The following UGGT2 variants were observed in gnomAD, a reference collection of about 807,000 sequenced individuals.
UGGT2 encodes UDP-glucose glycoprotein glucosyltransferase 2.
A neutral mutation model predicts 192.1 loss-of-function variants in UGGT2; 180 were observed. That is an observed-to-expected ratio of 0.94 (90% CI 0.83 to 1.06). The LOEUF is 1.06. Ranked by LOEUF, UGGT2 falls within the 50% of genes least tolerant of loss-of-function variation. The pLI, the probability that UGGT2 is intolerant of heterozygous loss-of-function variation, is 0.00. For synonymous variants in UGGT2, 580 were observed against 591.0 expected (o/e 0.98, Z 0.27); for missense variants, 1,849 against 1,795.7 (o/e 1.03, Z -0.54).
intron 9 of UGGT2, 39 bp downstream of exon 9, chr13:95,986,292 AAG>A: frequency 1.3e-5 from 18 of 1,337,488 alleles, no homozygotes; most frequent in Middle Eastern, 1.8e-4. Context: ...ATTTAATAGA[AAG>A]AGTTATAGCT....
At position 96,037,514 on chromosome 13, in the gene UGGT2, A is replaced by G. The variant is rs578046286; in HGVS notation, c.159-5543T>C. 5.3e-5 allele frequency among the ~76,000 whole-genome samples: 8 copies of G among 152,296 alleles called. No homozygotes were observed. The East Asian group carries it at 1.5e-3, about 29-fold the overall frequency. ...GCTTGGCCGCAAATTTTATTATACT[A>G]TAAATTTCTTTATACAGGGGACATA... On this transcript the variant is annotated intron_variant, in intron 1 of 38. Transcript: ENST00000376747.
At chr13:95,831,912 A>C (rs1174841111) in intron 38 of UGGT2, among the ~76,000 whole-genome samples, 1 of 151,746 alleles carries the variant, frequency 6.6e-6, no homozygotes, top group Non-Finnish European at 1.5e-5. Flanking sequence ...AAAAAGTCAT[A>C]TCATACCACT....
intron 20 of UGGT2, among the ~76,000 whole-genome samples, chr13:95,921,594 G>A (rs749839514): frequency 6.6e-6 from 1 of 151,784 alleles, no homozygotes; most frequent in Non-Finnish European, 1.5e-5. Context: ...CAAATCAAGA[G>A]GACAAAAACA....
intron 29 of UGGT2, among the ~76,000 whole-genome samples, chr13:95,868,985 T>G (rs1404889622): frequency 1.3e-5 from 2 of 151,714 alleles, no homozygotes; most frequent in Non-Finnish European, 2.9e-5. Context: ...GCTGCACCCA[T>G]TAACTCTTCA....
chr13:95,833,077 T>G (rs756602893), intron 37 of UGGT2, 24 bp from the exon 38 acceptor site: 3 of 1,607,538 alleles, frequency 1.9e-6, no homozygotes, highest in Non-Finnish European at 2.6e-6. Flanking sequence ...TAAATTTTGT[T>G]AATGAAAGAC....
intron 17 of UGGT2, among the ~76,000 whole-genome samples, chr13:95,931,999 T>C (rs7333843): frequency 0.36 from 55,314 of 151,880 alleles, 10,354 homozygotes; most frequent in Middle Eastern, 0.41. Context: ...CTCAATATGA[T>C]GCCTTCAGAT....
chr13:95,903,195 T>C (rs535978385), intron 20 of UGGT2, 135 bp from the exon 21 acceptor site: 291 of 740,898 alleles, frequency 3.9e-4, no homozygotes, highest in Non-Finnish European at 4.6e-4. Context: ...CCATGTTTAC[T>C]GTACTAAATG....
chr13:95,965,109 G>A (rs554415993), intron 12 of UGGT2, among the ~76,000 whole-genome samples: 1 of 150,802 alleles, frequency 6.6e-6, no homozygotes, highest in East Asian at 1.9e-4. Context: ...TGGAGAGGAT[G>A]TGGAGAAATA....
At chr13:95,882,823 G>C (rs1664166621) in intron 27 of UGGT2, among the ~76,000 whole-genome samples, 1 of 152,146 alleles carries the variant, frequency 6.6e-6, no homozygotes, top group Admixed American at 6.5e-5. Flanking sequence ...TTCTTAAGCT[G>C]TACTAATTTC....
At chr13:95,817,302 A>G (rs1381946848) in intron 38 of UGGT2, among the ~76,000 whole-genome samples, 1 of 151,956 alleles carries the variant, frequency 6.6e-6, no homozygotes, top group African/African-American at 2.4e-5. Context: ...TTAAAAGGAA[A>G]GATCACGTGC....
At chr13:95,898,123 G>T (rs937350338) in intron 22 of UGGT2, among the ~76,000 whole-genome samples, 1 of 151,988 alleles carries the variant, frequency 6.6e-6, no homozygotes, top group Non-Finnish European at 1.5e-5. Flanking sequence ...GAACCATTCT[G>T]GTCCAAGCCA....
At chr13:95,852,089 A>G (rs981603347) in intron 36 of UGGT2, among the ~76,000 whole-genome samples, 1 of 152,212 alleles carries the variant, frequency 6.6e-6, no homozygotes, top group Non-Finnish European at 1.5e-5. Context: ...ATGATTAAAA[A>G]AATCAACTCC....
At chr13:95,894,143 T>C (rs2047881075) in intron 24 of UGGT2, among the ~76,000 whole-genome samples, 1 of 152,118 alleles carries the variant, frequency 6.6e-6, no homozygotes, top group South Asian at 2.1e-4. Flanking sequence ...TTCACTCCTT[T>C]GAACTCTCGC....
At chr13:96,035,991 A>G (rs2052989769) in intron 1 of UGGT2, among the ~76,000 whole-genome samples, 1 of 152,242 alleles carries the variant, frequency 6.6e-6, no homozygotes, top group African/African-American at 2.4e-5. Flanking sequence ...TGTAGAAGAC[A>G]GTGTGGCAAT....
intron 12 of UGGT2, among the ~76,000 whole-genome samples, chr13:95,965,388 A>T (rs1374448216): frequency 6.6e-6 from 1 of 151,196 alleles, no homozygotes; most frequent in Admixed American, 6.6e-5. Context: ...TGGCACATAT[A>T]CACCATGGAA....
intron 20 of UGGT2, among the ~76,000 whole-genome samples, chr13:95,910,021 CT>C (rs1404260224): frequency 6.6e-6 from 1 of 151,962 alleles, no homozygotes; most frequent in East Asian, 1.9e-4. Context: ...AAATAAAATC[CT>C]TTACAGACAA....
chr13:95,991,485 G>A (rs1444007618), intron 7 of UGGT2: 5 of 453,850 alleles, frequency 1.1e-5, no homozygotes, highest in African/African-American at 1.0e-4. Context: ...TTTGAAAAGT[G>A]AAATAAAAAA....
intron 21 of UGGT2, among the ~76,000 whole-genome samples, chr13:95,901,856 C>G (rs754473553): frequency 1.3e-5 from 2 of 152,124 alleles, no homozygotes; most frequent in African/African-American, 2.4e-5. Context: ...ACATGACCAT[C>G]ACCATCCCTA....
intron 38 of UGGT2, among the ~76,000 whole-genome samples, chr13:95,810,830 A>G (rs1404374973): frequency 6.6e-6 from 1 of 152,206 alleles, no homozygotes; most frequent in African/African-American, 2.4e-5. Context: ...AAAGACAACC[A>G]AAGATGGGAA....
Sources: allele counts gnomAD v4.1 joint callset (sites outside exome capture counted in the v4.1 genomes callset), GRCh38; gene constraint gnomAD v4.1.1; transcripts MANE v1.5; gene names NCBI Gene and HGNC (gene_info 2026-07-23, HGNC 2026-07-21).